Variants in GRIN2D observed in about 807,000 individuals in gnomAD.
The protein encoded by GRIN2D is glutamate receptor ionotropic, NMDA 2D.
A neutral mutation model predicts 103.2 loss-of-function variants in GRIN2D; 37 were observed. That is an observed-to-expected ratio of 0.36 (90% confidence interval 0.28 to 0.47). The LOEUF (loss-of-function observed/expected upper bound fraction) is 0.47. GRIN2D is among the 20% of genes least tolerant of loss of function. The pLI is 1.00. For synonymous variants in GRIN2D, 845 were observed against 885.6 expected, an observed-to-expected ratio of 0.95 and a Z score of 0.81; for missense variants, 1,557 against 1,910.6, an observed-to-expected ratio of 0.81 and a Z score of 3.45.
rs746610161 is a variant in GRIN2D, at chr19:48,419,566, A to T, written c.1862-19A>T. ...GAGAAGGGATTTGGGGTCCATGTCC[A>T]CGTCCTGGCCCCCTGCAGGCCCTGG... On this transcript the variant is annotated intron_variant, in intron 9 of 13. Coordinates refer to ENST00000263269, the MANE Select transcript of GRIN2D (RefSeq NM_000836.4). 3.8e-6 allele frequency: 6 copies of T among 1,561,966 alleles called. No individual in the cohort carries two copies. The highest frequency in any genetic ancestry group is 1.1e-5 in the South Asian group (1 of 90,000).
intron 11 of GRIN2D, among the ~76,000 whole-genome samples, chr19:48,427,015 T>G (rs1720600779): frequency 6.6e-6 from 1 of 151,796 alleles, no homozygotes; most frequent in Admixed American, 6.6e-5. Flanking sequence ...CTATAACAGA[T>G]ACTGTCAGAC....
chr19:48,442,425 G>T lies in GRIN2D; in HGVS notation c.2673+43G>T, dbSNP rs751798877. ...AGGCAGAGAGGGGGAGATGGCAGGG[G>T]CGGGGACAAAGGTAAAGCCGAGCAG... On this transcript the variant is annotated intron_variant, in intron 13 of 13. Coordinates refer to ENST00000263269, the MANE Select transcript of GRIN2D (RefSeq NM_000836.4). This position sits in a 1 kb window ranked among gnomAD's most constrained non-coding sequence, Gnocchi z 7.2. 1 of 1,577,476 alleles carries T rather than the reference G, an allele frequency of 6.3e-7. No homozygotes were observed. The highest frequency in any genetic ancestry group is 8.6e-7 in the Non-Finnish European group (1 of 1,158,034).
At chr19:48,400,088 A>G (rs952134817) in intron 3 of GRIN2D, among the ~76,000 whole-genome samples, 3 of 152,138 alleles carry the variant, frequency 2.0e-5, no homozygotes, top group African/African-American at 7.2e-5. Flanking sequence ...GCCTGCTGGG[A>G]AGGGATGGTA....
chr19:48,413,204 G>T (rs534621408), intron 4 of GRIN2D, among the ~76,000 whole-genome samples: 4 of 142,628 alleles, frequency 2.8e-5, no homozygotes, highest in South Asian at 2.2e-4. Context: ...AGAGGGCATG[G>T]TGGCTCATGC....
chr19:48,437,096 T>C (rs1448463131), intron 11 of GRIN2D, among the ~76,000 whole-genome samples: 5 of 152,124 alleles, frequency 3.3e-5, no homozygotes, highest in African/African-American at 9.7e-5. Context: ...ACAAAGGCTG[T>C]AGGAAATGGC....
intron 11 of GRIN2D, among the ~76,000 whole-genome samples, chr19:48,440,941 G>A (rs1971283973): frequency 6.6e-6 from 1 of 152,144 alleles, no homozygotes; most frequent in Non-Finnish European, 1.5e-5. Context: ...CACCTGCCTT[G>A]GCTTCCCAAA....
intron 3 of GRIN2D, among the ~76,000 whole-genome samples, chr19:48,401,775 G>T (rs908427609): frequency 1.3e-4 from 20 of 152,236 alleles, no homozygotes; most frequent in Non-Finnish European, 2.6e-4. Context: ...TCTGGCTGCT[G>T]TTTGGAGAAT....
chr19:48,400,674 T>C (rs1970700806), intron 3 of GRIN2D, among the ~76,000 whole-genome samples: 1 of 152,120 alleles, frequency 6.6e-6, no homozygotes, highest in African/African-American at 2.4e-5. Flanking sequence ...AAGAATGATC[T>C]TCACAGCTCC....
chr19:48,416,995 T>G (rs1381618590), intron 8 of GRIN2D, among the ~76,000 whole-genome samples: 1 of 152,156 alleles, frequency 6.6e-6, no homozygotes, highest in Non-Finnish European at 1.5e-5. Flanking sequence ...TCTGCCCACC[T>G]CAGCCTCCCA....
In GRIN2D at chr19:48,421,629, A is replaced by G. The variant is rs532461048; in HGVS notation, c.2092-156A>G. Among the ~76,000 whole-genome samples, 20 of 152,220 alleles carry G rather than the reference A, an allele frequency of 1.3e-4. No homozygotes were observed. The highest frequency in any genetic ancestry group is 4.8e-4 in the African/African-American group (20 of 41,516). On this transcript the variant is annotated intron_variant, in intron 10 of 13. Transcript: ENST00000263269. This position sits in a 1 kb window ranked among gnomAD's most constrained non-coding sequence, Gnocchi z 4.8. ...AACCGTGTGTGCTGGGTGGGAGTGG[A>G]AAAGCATTCCCTAATGTAGTGAGCG...
rs1361618111 is a variant in GRIN2D at position 48,398,491 on chromosome 19, G to A, written c.99G>A (p.Pro33=). The change falls in exon 3 of 14, where the codon CCG becomes CCA. Residue 33 remains proline (P), a synonymous_variant. Coordinates refer to ENST00000263269, the MANE Select transcript of GRIN2D (RefSeq NM_000836.4). ...ACASPFPEEA[P]GPGGAGGPGG... ...CCAGCCCGTTCCCGGAGGAGGCGCC[G>A]GGGCCGGGCGGGGCCGGTGGGCCCG... The A allele has an allele frequency of 3.0e-6, 3 of 1,011,688 alleles. No individual in the cohort carries two copies. Among genetic ancestry groups the A allele is most frequent in the Non-Finnish European group, 3.5e-6 (3 of 848,988 alleles). 62.7% of individuals were successfully genotyped at this position (1,011,688 alleles called of 1,614,324 possible). A position where few individuals can be genotyped will look rare whatever the true frequency, so the allele number is the denominator to read the frequency against.
chr19:48,413,338 G>T (rs1312412674), intron 4 of GRIN2D, among the ~76,000 whole-genome samples: 4 of 149,578 alleles, frequency 2.7e-5, no homozygotes, highest in South Asian at 4.2e-4. Flanking sequence ...AAATTAGCTG[G>T]ACATGGTGGT....
At chr19:48,422,711 TTATCA>T (rs1289081700) in intron 11 of GRIN2D, among the ~76,000 whole-genome samples, 1 of 152,216 alleles carries the variant, frequency 6.6e-6, no homozygotes, top group Non-Finnish European at 1.5e-5. Flanking sequence ...GATATTATCA[TTATCA>T]TTAGACCTGA....
At chr19:48,401,804 T>C (rs1970713222) in intron 3 of GRIN2D, among the ~76,000 whole-genome samples, 1 of 152,096 alleles carries the variant, frequency 6.6e-6, no homozygotes, top group East Asian at 1.9e-4. Context: ...AGATGCAAGA[T>C]TGAAAACAAA....
At chr19:48,415,228 G>A (rs1220915928) in intron 7 of GRIN2D, among the ~76,000 whole-genome samples, 196 bp downstream of exon 7, 1 of 152,080 alleles carries the variant, frequency 6.6e-6, no homozygotes, top group Non-Finnish European at 1.5e-5. Flanking sequence ...AAAATTAGCC[G>A]TGCGTGGTGG....
chr19:48,403,432 C>A (rs1271897042), intron 3 of GRIN2D, among the ~76,000 whole-genome samples: 1 of 152,136 alleles, frequency 6.6e-6, no homozygotes, highest in Non-Finnish European at 1.5e-5. Context: ...GTTTTAAATT[C>A]TATTTAACAT....
At chr19:48,399,247 G>A (rs1363937558) in intron 3 of GRIN2D, among the ~76,000 whole-genome samples, 2 of 152,188 alleles carry the variant, frequency 1.3e-5, no homozygotes, top group East Asian at 3.9e-4. Flanking sequence ...GTGGGACCTA[G>A]GATCAGCACA....
At position 48,409,350 on chromosome 19, in the gene GRIN2D, C is replaced by T. The variant is rs76342261; in HGVS notation, c.1085+3997C>T. On this transcript the variant is annotated intron_variant, in intron 4 of 13. Transcript: ENST00000263269. ...CGGGAGTGCAGTGATGTGATCTTGGCTCATTGCAACCTCCACCTCCTGGAT... is the reference window on the plus strand; with the variant it reads ...CGGGAGTGCAGTGATGTGATCTTGGTTCATTGCAACCTCCACCTCCTGGAT... Among the ~76,000 whole-genome samples the T allele has an allele frequency of 3.0e-4, 41 of 138,230 alleles. 1 individual carries two copies. The East Asian group carries it at 8.0e-3, about 27-fold the overall frequency. The allele number at this position is 138,230 out of a possible 152,430, so 90.7% of individuals were successfully genotyped here. A position where few individuals can be genotyped will look rare whatever the true frequency, so the allele number is the denominator to read the frequency against.
Position 48,443,574 on chromosome 19 carries a change from C to T in GRIN2D, c.3648C>T (p.Ala1216=), listed in dbSNP as rs1377202180. ...WWAPPPPPWA[A]GPLPRRRARC... ...CGCCACCGCCTCCACCCTGGGCCGC[C>T]GGGCCCCTGCCCCGACGCCGGGCCC... The change falls in exon 14 of 14, where the codon GCC becomes GCT. Residue 1216 remains alanine, a synonymous_variant. Transcript: ENST00000263269. This position sits in a 1 kb window ranked among gnomAD's most constrained non-coding sequence, Gnocchi z 8.9. 2 of 1,219,338 alleles carry T rather than the reference C, an allele frequency of 1.6e-6. No individual in the cohort carries two copies. The highest frequency in any genetic ancestry group is 2.0e-6 in the Non-Finnish European group (2 of 979,894). The allele number at this position is 1,219,338 out of a possible 1,614,324, so 75.5% of individuals were successfully genotyped here.
Sources: allele counts gnomAD v4.1 joint callset (sites outside exome capture counted in the v4.1 genomes callset), GRCh38; gene constraint gnomAD v4.1.1; non-coding constraint Gnocchi (gnomAD v3.1); transcripts MANE v1.5; gene names NCBI Gene and HGNC (gene_info 2026-07-23, HGNC 2026-07-21).